The following NDE1 variants were observed in gnomAD, a reference collection of about 807,000 sequenced individuals.
The protein encoded by NDE1 is nudE neurodevelopment protein 1.
NDE1 carries 28 observed loss-of-function variants against 43.4 expected under a neutral mutation model. That is an observed-to-expected ratio of 0.65 (90% CI 0.48 to 0.89). The LOEUF is 0.89. Among genes scored for constraint, NDE1 ranks in the 40% least tolerant of loss-of-function variants. NDE1 has a pLI of 0.00. For synonymous variants in NDE1, 184 were observed against 172.0 expected (o/e 1.07, Z -0.55); for missense variants, 441 against 434.1 (o/e 1.02, Z -0.14).
intron 1 of NDE1, among the ~76,000 whole-genome samples, chr16:15,659,067 G>A (rs545129631): frequency 6.6e-6 from 1 of 152,270 alleles, no homozygotes; most frequent in Admixed American, 6.5e-5. Context: ...TGAGGGAAAG[G>A]ATTGAAAAAG....
chr16:15,705,744 G>A (rs1003215547), intron 8 of NDE1, among the ~76,000 whole-genome samples: 3 of 152,092 alleles, frequency 2.0e-5, no homozygotes, highest in African/African-American at 7.2e-5. Context: ...CACTTTGGGA[G>A]GCTGAGGCGG....
chr16:15,715,937 C>G (rs1272866716), intron 8 of NDE1, among the ~76,000 whole-genome samples: 2 of 152,012 alleles, frequency 1.3e-5, no homozygotes, highest in Admixed American at 1.3e-4. Context: ...ACCAGCCTGG[C>G]CAACATGGTG....
intron 4 of NDE1, among the ~76,000 whole-genome samples, chr16:15,683,871 A>AT (rs2038303204): frequency 6.6e-6 from 1 of 152,150 alleles, no homozygotes; most frequent in South Asian, 2.1e-4. Context: ...AGAAACAAAT[A>AT]TAAAAACTAG....
chr16:15,700,035 T>C, intron 8 of NDE1: 1 of 1,183,628 alleles, frequency 8.4e-7, no homozygotes, highest in Non-Finnish European at 1.1e-6. Flanking sequence ...CCTGCCACCG[T>C]GTGCATTGCA....
chr16:15,675,001 G>A (rs192757459), intron 3 of NDE1, among the ~76,000 whole-genome samples: 1 of 152,220 alleles, frequency 6.6e-6, no homozygotes, highest in East Asian at 1.9e-4. Context: ...GGTCCATGTG[G>A]CTTTCTTTGG....
intron 8 of NDE1, chr16:15,708,795 CATG>C (rs751001415): frequency 2.5e-6 from 4 of 1,606,504 alleles, no homozygotes; most frequent in Non-Finnish European, 3.4e-6. Context: ...AAGCTGAAGG[CATG>C]ATACCTGGTG....
intron 1 of NDE1, among the ~76,000 whole-genome samples, chr16:15,662,306 G>A (rs1237434236): frequency 7.9e-6 from 1 of 126,230 alleles, no homozygotes; most frequent in Non-Finnish European, 1.6e-5. Context: ...TTTTTGAGAT[G>A]GAGTCTTGAT....
At chr16:15,711,524 T>A (rs1394986596) in intron 8 of NDE1, among the ~76,000 whole-genome samples, 1 of 152,180 alleles carries the variant, frequency 6.6e-6, no homozygotes, top group Non-Finnish European at 1.5e-5. Flanking sequence ...AGGAGGTATG[T>A]TTATTTGCCG....
chr16:15,694,082 C>A lies in NDE1; in HGVS notation c.704-83C>A, dbSNP rs959239294. 6.0e-6 allele frequency: 9 copies of A among 1,498,226 alleles called. No individual in the cohort carries two copies. The East Asian group carries it at 2.2e-4, about 36-fold the overall frequency. 92.8% of individuals were successfully genotyped at this position (1,498,226 alleles called of 1,614,324 possible). On this transcript the variant is annotated intron_variant, in intron 6 of 8. Coordinates refer to ENST00000396354, the MANE Select transcript of NDE1 (RefSeq NM_017668.3). ...GAAAGGCGTCAGTGTCCCTCCTGTC[C>A]CGTGGTTTTGGATCTAGCGATGTTA...
chr16:15,650,141 G>GTA (rs1460056586), upstream of NDE1: 1 of 155,850 alleles, frequency 6.4e-6, no homozygotes, highest in Non-Finnish European at 1.4e-5. Context: ...GCGCTGATTG[G>GTA]CCGAGGCGGA....
rs369335485 is a variant in NDE1 at position 15,724,200 on chromosome 16, G to A, written c.957G>A (p.Thr319=). 16 of 1,613,936 alleles carry A rather than the reference G, an allele frequency of 9.9e-6. No individual in the cohort carries two copies. Among genetic ancestry groups the A allele is most frequent in the Admixed American group, 6.7e-5 (4 of 60,006 alleles). The change falls in exon 9 of 9, where the codon ACG becomes ACA. Residue 319 remains threonine, a synonymous_variant. Transcript: ENST00000396354. ...SVPLGDKGLD[T]SCRWLSKSTT... is the part of the protein sequence containing the mutation. The stretch of plus-strand genomic sequence containing the variant: ...TCTGCTTCTTTTCCAGGTTGGACAC[G>A]AGTTGCCGCTGGTTGTCCAAATCAA...
At chr16:15,711,704 T>C (rs1189767428) in intron 8 of NDE1, among the ~76,000 whole-genome samples, 1 of 152,130 alleles carries the variant, frequency 6.6e-6, no homozygotes, top group Non-Finnish European at 1.5e-5. Context: ...CTGGAGATTT[T>C]TTTTTTGAGA....
intron 8 of NDE1, chr16:15,714,768 T>G: frequency 9.1e-7 from 1 of 1,100,762 alleles, no homozygotes; most frequent in Non-Finnish European, 1.4e-6. Flanking sequence ...AGCTTAGTGA[T>G]TAAGGAGAAG....
chr16:15,694,427 C>A (rs999855738), intron 7 of NDE1, 171 bp downstream of exon 7: 1 of 1,472,504 alleles, frequency 6.8e-7, no homozygotes, highest in Non-Finnish European at 9.1e-7. Flanking sequence ...CTCACTGCAG[C>A]CTCAAAATCC....
chr16:15,724,042 C>T, intron 8 of NDE1, 149 bp from the exon 9 acceptor site: 1 of 1,541,830 alleles, frequency 6.5e-7, no homozygotes. Flanking sequence ...CCTCCCATGG[C>T]TCCCCACAGA....
At chr16:15,675,405 G>C (rs1156661020) in intron 3 of NDE1, among the ~76,000 whole-genome samples, 1 of 147,040 alleles carries the variant, frequency 6.8e-6, no homozygotes, top group Non-Finnish European at 1.5e-5. Flanking sequence ...TCGCCATGTT[G>C]CCAGGCTGGT....
chr16:15,696,744 C>T lies in NDE1; in HGVS notation c.831C>T (p.Leu277=), dbSNP rs201193386. 17 of 1,614,084 alleles carry T rather than the reference C, an allele frequency of 1.1e-5. No individual in the cohort carries two copies. The Admixed American group carries it at 1.2e-4, about 11-fold the overall frequency. The part of the protein sequence containing the change: ...LESKLASCRN[L]VYDQSPNRTG... ...CCAAACTCGCTTCCTGCCGGAACCT[C>T]GTGTACGATCAGTCCCCAAACCGAA... The change falls in exon 8 of 9, where the codon CTC becomes CTT. Residue 277 remains leucine, a synonymous_variant. Transcript: ENST00000396354.
intron 4 of NDE1, chr16:15,686,510 C>T (rs12934645): frequency 0.052 from 51,706 of 985,144 alleles, 5,402 homozygotes; most frequent in African/African-American, 0.41. Context: ...TGATCTCTTC[C>T]ACCTGCTTAA....
intron 4 of NDE1, among the ~76,000 whole-genome samples, chr16:15,682,029 T>G (rs1482994783): frequency 6.6e-6 from 1 of 152,218 alleles, no homozygotes; most frequent in African/African-American, 2.4e-5. Context: ...TCTTGTAGTA[T>G]TTTTGTTTTT....
Sources: allele counts gnomAD v4.1 joint callset (sites outside exome capture counted in the v4.1 genomes callset), GRCh38; gene constraint gnomAD v4.1.1; transcripts MANE v1.5; gene names NCBI Gene and HGNC (gene_info 2026-07-23, HGNC 2026-07-21).